The following ZNF189 variants were observed in gnomAD, a reference collection of about 807,000 sequenced individuals.
ZNF189 encodes the protein zinc finger protein 189.
A neutral mutation model predicts 53.5 loss-of-function variants in ZNF189; 33 were observed. The ratio of observed to expected loss-of-function variants is 0.62; its 90% confidence interval spans 0.47 to 0.82. The LOEUF (loss-of-function observed/expected upper bound fraction) is 0.82. Ranked by LOEUF, ZNF189 falls within the 40% of genes least tolerant of loss-of-function variation. The pLI is 0.00. For synonymous variants in ZNF189, 247 were observed against 238.8 expected (o/e 1.03, Z -0.32); for missense variants, 711 against 753.9 (o/e 0.94, Z 0.67).
In ZNF189 at chr9:101,408,448, C is replaced by A. The variant is rs1237431700; in HGVS notation, c.680C>A (p.Thr227Asn). The A allele has an allele frequency of 6.2e-7, 1 of 1,613,968 alleles. No homozygotes were observed. The highest frequency in any genetic ancestry group is 1.7e-5 in the Admixed American group (1 of 60,004). Reference sequence around the variant, plus strand: ...CTTATTAGACATCAGAGAATCCACACTGGAGAAAGACCCTATCAGTGTAAT... The same window carrying A: ...CTTATTAGACATCAGAGAATCCACAATGGAGAAAGACCCTATCAGTGTAAT... ...STLIRHQRIH[T>N]GERPYQCNQC... Residue 227 changes from threonine (T) to asparagine (N), a missense_variant, in exon 3 of 3, where the codon ACT becomes AAT. Transcript: ENST00000339664.
intron 2 of ZNF189, among the ~76,000 whole-genome samples, chr9:101,405,718 T>C (rs576906431): frequency 3.3e-5 from 5 of 152,124 alleles, no homozygotes; most frequent in African/African-American, 1.2e-4. Context: ...CAAAAACAGA[T>C]AATGTCAAGA....
chr9:101,405,887 GC>G (rs1406622158), intron 2 of ZNF189, among the ~76,000 whole-genome samples: 2 of 151,834 alleles, frequency 1.3e-5, no homozygotes, highest in Non-Finnish European at 2.9e-5. Flanking sequence ...CCAACATGGT[GC>G]CCCATCTCTA....
At chr9:101,407,675 A>C (rs1564070064) in intron 2 of ZNF189, 1 of 452,472 alleles carries the variant, frequency 2.2e-6, no homozygotes, top group East Asian at 3.4e-5. Flanking sequence ...GATTACAGGC[A>C]TGAGCCACTA....
chr9:101,402,644 G>A (rs1234293675), intron 2 of ZNF189, among the ~76,000 whole-genome samples: 1 of 152,080 alleles, frequency 6.6e-6, no homozygotes, highest in Non-Finnish European at 1.5e-5. Flanking sequence ...TCCTGCTATT[G>A]AATTTATCAT....
At chr9:101,403,096 A>ATGTG (rs1362412279) in intron 2 of ZNF189, among the ~76,000 whole-genome samples, 2 of 91,180 alleles carry the variant, frequency 2.2e-5, no homozygotes, top group Non-Finnish European at 4.4e-5. Flanking sequence ...TCAGCTGCTG[A>ATGTG]TATGTGTGTG....
Position 101,408,640 on chromosome 9 carries a change from C to T in ZNF189, c.872C>T (p.Thr291Ile). 6.2e-7 allele frequency: 1 copy of T among 1,612,382 alleles called. No homozygotes were observed. Residue 291 changes from threonine (T) to isoleucine (I), a missense_variant, in exon 3 of 3, where the codon ACC (threonine) becomes ATC (isoleucine). Thr to Ile is a moderately conservative substitution (Grantham distance 89). Coordinates refer to ENST00000339664, the MANE Select transcript of ZNF189 (RefSeq NM_003452.4). ...ACTGGTGAGAAACCTTATCACTGTA[C>T]CAAATGTAAGAAGAGCTTTAGTCGA... ...THTGEKPYHC[T>I]KCKKSFSRNS...
chr9:101,409,350 A>T lies in ZNF189; in HGVS notation c.1582A>T (p.Ile528Phe). ...GKSFSQLCNL[I>F]RHQGVHTGNK... Reference sequence around the variant, plus strand: ...AAGCTTTAGTCAGCTTTGTAATCTTATTCGACATCAGGGTGTTCACACAGG... The same window carrying T: ...AAGCTTTAGTCAGCTTTGTAATCTTTTTCGACATCAGGGTGTTCACACAGG... The change falls in exon 3 of 3, where the codon ATT (isoleucine) becomes TTT (phenylalanine). Residue 528 changes from isoleucine to phenylalanine, a missense_variant. Coordinates refer to ENST00000339664, the MANE Select transcript of ZNF189 (RefSeq NM_003452.4). 1.2e-6 allele frequency: 2 copies of T among 1,614,148 alleles called. No homozygotes were observed. The highest frequency in any genetic ancestry group is 1.7e-6 in the Non-Finnish European group (2 of 1,180,028).
chr9:101,407,426 C>T (rs1462556442), intron 2 of ZNF189: 2 of 398,454 alleles, frequency 5.0e-6, no homozygotes, highest in Non-Finnish European at 4.4e-6. Context: ...CACTCTATTG[C>T]CTAGGCTGGT....
chr9:101,407,792 C>A (rs1830768242), intron 2 of ZNF189, 137 bp from the exon 3 acceptor site: 2 of 856,350 alleles, frequency 2.3e-6, no homozygotes, highest in Non-Finnish European at 3.4e-6. Flanking sequence ...AGTTTTTTTT[C>A]ATCCTACCCT....
intron 2 of ZNF189, among the ~76,000 whole-genome samples, chr9:101,404,378 AT>A (rs1199788528): frequency 9.5e-6 from 1 of 105,212 alleles, no homozygotes; most frequent in Non-Finnish European, 2.0e-5. Context: ...GTGATTTTTG[AT>A]TGGAATGATT....
intron 2 of ZNF189, among the ~76,000 whole-genome samples, chr9:101,406,907 C>G (rs1830734781): frequency 1.3e-5 from 2 of 152,258 alleles, no homozygotes; most frequent in South Asian, 4.1e-4. Context: ...GTCATGCAGC[C>G]TCTCAGTTGG....
Position 101,407,970 on chromosome 9 carries a change from C to A in ZNF189, c.202C>A (p.Gln68Lys). The A allele has an allele frequency of 6.3e-7, 1 of 1,598,524 alleles. No individual in the cohort carries two copies. Residue 68 changes from glutamine to lysine, a missense_variant, in exon 3 of 3, where the codon CAA becomes AAA. By Grantham distance (53) the Gln-to-Lys change is moderately conservative. Transcript: ENST00000339664. Reference sequence around the variant, plus strand: ...TAAGGATGAGGAGCCAACTGTAAAACAAGAGATTGAAGAAATTGAGGAAGA... The same window carrying A: ...TAAGGATGAGGAGCCAACTGTAAAAAAAGAGATTGAAGAAATTGAGGAAGA... ...RDKDEEPTVK[Q>K]EIEEIEEEVE...
At chr9:101,401,321 G>A (rs980139134) in intron 2 of ZNF189, among the ~76,000 whole-genome samples, 1 of 152,120 alleles carries the variant, frequency 6.6e-6, no homozygotes, top group Non-Finnish European at 1.5e-5. Flanking sequence ...CTCACCTTCT[G>A]TTTCTCAGAG....
chr9:101,400,045 A>G (rs758409508), intron 2 of ZNF189, 35 bp downstream of exon 2: 1 of 1,607,790 alleles, frequency 6.2e-7, no homozygotes, highest in African/African-American at 1.3e-5. Flanking sequence ...TAAAATATCT[A>G]AGAAGGTAGA....
intron 1 of ZNF189, 188 bp downstream of exon 1, chr9:101,399,377 T>G (rs956683608): frequency 3.6e-6 from 5 of 1,378,636 alleles, no homozygotes; most frequent in Non-Finnish European, 3.7e-6. Context: ...GGCTCCCTTT[T>G]TTTTTTTCTT....
chr9:101,409,477 G>A lies in ZNF189; in HGVS notation c.1709G>A (p.Cys570Tyr). Residue 570 changes from cysteine to tyrosine, a missense_variant, in exon 3 of 3, where the codon TGT (cysteine) becomes TAT (tyrosine). Cys to Tyr is a radical substitution (Grantham distance 194). Transcript: ENST00000339664. ...RIHTGEKPYK[C>Y]EKCDKSFSQQ... is the part of the protein sequence containing the mutation. ...CACACAGGAGAGAAACCTTATAAGT[G>A]TGAGAAGTGCGACAAAAGTTTCAGT... The A allele has an allele frequency of 6.2e-7, 1 of 1,614,154 alleles. No individual in the cohort carries two copies. The highest frequency in any genetic ancestry group is 1.1e-5 in the South Asian group (1 of 91,082).
intron 2 of ZNF189, among the ~76,000 whole-genome samples, chr9:101,404,494 A>G (rs1027104429): frequency 1.2e-4 from 18 of 152,150 alleles, no homozygotes; most frequent in African/African-American, 4.1e-4. Flanking sequence ...GAAAAATTGT[A>G]TGGAATATTT....
chr9:101,410,601 A>G lies in ZNF189; in HGVS notation c.*952A>G, dbSNP rs1433996854. ...CTAGGGCTTCCCTTAGTTAATGGTTATTATAAACCTATTAATTCATCTGTT... is the reference window on the plus strand; with the variant it reads ...CTAGGGCTTCCCTTAGTTAATGGTTGTTATAAACCTATTAATTCATCTGTT... On this transcript the variant is annotated 3_prime_UTR_variant, in exon 3 of 3. Transcript: ENST00000339664. 6.6e-6 allele frequency: 1 copy of G among 152,220 alleles called. No homozygotes were observed. The highest frequency in any genetic ancestry group is 1.5e-5 in the Non-Finnish European group (1 of 68,028). 9.4% of individuals were successfully genotyped at this position (152,220 alleles called of 1,614,324 possible).
chr9:101,406,684 A>G (rs1015081830), intron 2 of ZNF189, among the ~76,000 whole-genome samples: 3 of 152,230 alleles, frequency 2.0e-5, no homozygotes, highest in Admixed American at 6.5e-5. Context: ...GAGAGAAAAG[A>G]GGATGTATGA....
Sources: gnomAD v4.1 joint callset for allele counts (sites outside exome capture counted in the v4.1 genomes callset) on GRCh38, gnomAD v4.1.1 for gene constraint, MANE v1.5 for transcripts, NCBI Gene and HGNC (gene_info 2026-07-23, HGNC 2026-07-21) for gene names.